Variants in MLLT3 observed in about 807,000 individuals in gnomAD.
The protein encoded by MLLT3 is protein AF-9.
A neutral mutation model predicts 53.2 loss-of-function variants in MLLT3; 4 were observed. The observed-to-expected ratio is 0.08, with a 90% confidence interval of 0.04 to 0.17. The LOEUF is 0.17. MLLT3 is among the 10% of genes least tolerant of loss of function. The pLI is 1.00. For missense variants in MLLT3, 569 were observed against 684.0 expected (o/e 0.83, Z 1.87); for synonymous variants, 283 against 230.6 (o/e 1.23, Z -2.06).
intron 2 of MLLT3, among the ~76,000 whole-genome samples, chr9:20,466,277 A>G (rs1221734969): frequency 6.6e-6 from 1 of 152,180 alleles, no homozygotes; most frequent in Non-Finnish European, 1.5e-5. Context: ...TCATATTGGC[A>G]TTCAAAAGTT....
At chr9:20,548,599 A>G (rs1051521977) in intron 2 of MLLT3, among the ~76,000 whole-genome samples, 1 of 152,200 alleles carries the variant, frequency 6.6e-6, no homozygotes, top group African/African-American at 2.4e-5. Context: ...TTGTTCTAAA[A>G]TCCATTTGGA....
intron 2 of MLLT3, among the ~76,000 whole-genome samples, chr9:20,614,176 CCT>C (rs1820767410): frequency 1.3e-5 from 2 of 152,192 alleles, no homozygotes; most frequent in South Asian, 4.1e-4. Flanking sequence ...GGGAGGATCA[CCT>C]GAGGTCAGGA....
chr9:20,414,206 G>A lies in MLLT3; in HGVS notation c.640C>T (p.His214Tyr), dbSNP rs1332052560. Residue 214 changes from histidine to tyrosine, a missense_variant, in exon 5 of 11, where the codon CAT (histidine) becomes TAT (tyrosine). His to Tyr is a moderately conservative substitution (Grantham distance 83). This residue lies in a region of MLLT3 where 437 missense variants were observed against 376.5 expected (regional missense o/e 1.16). Transcript: ENST00000380338. ...KEKPSKDSRE[H>Y]KSAFKEPSRD... is the part of the protein sequence containing the mutation. The stretch of plus-strand genomic sequence containing the variant: ...GAAGGTTCTTTGAAGGCACTTTTAT[G>A]TTCTCTGGAGTCTTTAGAAGGTTTT... 6.2e-7 allele frequency: 1 copy of A among 1,614,002 alleles called. No homozygotes were observed. Among genetic ancestry groups the A allele is most frequent in the Non-Finnish European group, 8.5e-7 (1 of 1,180,014 alleles).
At chr9:20,356,515 T>C (rs533481552) in intron 8 of MLLT3, among the ~76,000 whole-genome samples, 23 of 152,092 alleles carry the variant, frequency 1.5e-4, no homozygotes, top group Admixed American at 4.6e-4. Context: ...CCAACTCAGA[T>C]ACTGGGCTGG....
chr9:20,556,856 G>A (rs371560409), intron 2 of MLLT3, among the ~76,000 whole-genome samples: 12 of 152,014 alleles, frequency 7.9e-5, no homozygotes, highest in Admixed American at 2.6e-4. Flanking sequence ...AGTATATTAT[G>A]TAAAAGGCCT....
intron 5 of MLLT3, among the ~76,000 whole-genome samples, chr9:20,405,731 C>T (rs1415136112): frequency 6.6e-6 from 1 of 152,184 alleles, no homozygotes; most frequent in Admixed American, 6.5e-5. Context: ...TGAGATTCTT[C>T]TTCATTCTCA....
intron 2 of MLLT3, among the ~76,000 whole-genome samples, chr9:20,585,818 G>A (rs1487430482): frequency 6.6e-6 from 1 of 152,102 alleles, no homozygotes; most frequent in East Asian, 1.9e-4. Flanking sequence ...AGAAGATTGG[G>A]CTCCAACCAG....
chr9:20,587,350 T>A (rs1819998925), intron 2 of MLLT3, among the ~76,000 whole-genome samples: 1 of 152,178 alleles, frequency 6.6e-6, no homozygotes, highest in Non-Finnish European at 1.5e-5. Context: ...GAAGCCCATC[T>A]GTCTCTCCTC....
intron 4 of MLLT3, among the ~76,000 whole-genome samples, chr9:20,429,666 A>G (rs1823221230): frequency 6.6e-6 from 1 of 152,214 alleles, no homozygotes; most frequent in African/African-American, 2.4e-5. Flanking sequence ...AGATTAAAGG[A>G]GAACAAAACC....
intron 2 of MLLT3, among the ~76,000 whole-genome samples, chr9:20,557,946 A>C (rs1176893818): frequency 6.6e-6 from 1 of 152,226 alleles, no homozygotes; most frequent in African/African-American, 2.4e-5. Flanking sequence ...GATAACCTAT[A>C]TTGATAACCA....
At chr9:20,484,935 T>C (rs1271072289) in intron 2 of MLLT3, among the ~76,000 whole-genome samples, 6 of 152,172 alleles carry the variant, frequency 3.9e-5, no homozygotes, top group Non-Finnish European at 5.9e-5. Context: ...AAAATATGAA[T>C]CAAATTTACA....
At chr9:20,354,494 T>C (rs1821115357) in intron 9 of MLLT3, among the ~76,000 whole-genome samples, 1 of 152,238 alleles carries the variant, frequency 6.6e-6, no homozygotes, top group African/African-American at 2.4e-5. Context: ...GTCTTGCTCA[T>C]CTACATCTGA....
intron 2 of MLLT3, among the ~76,000 whole-genome samples, chr9:20,489,006 G>A (rs1006576906): frequency 2.9e-4 from 44 of 152,122 alleles, no homozygotes; most frequent in African/African-American, 9.9e-4. Flanking sequence ...TGTCTTCTTG[G>A]GGGGAAGATA....
intron 2 of MLLT3, 35 bp from the exon 3 acceptor site, chr9:20,456,821 A>G (rs1382950210): frequency 1.4e-6 from 2 of 1,403,968 alleles, no homozygotes; most frequent in Non-Finnish European, 2.0e-6. Flanking sequence ...GTAAGATGAG[A>G]ATAATAGACA....
intron 2 of MLLT3, among the ~76,000 whole-genome samples, chr9:20,525,747 C>T (rs1267374862): frequency 6.6e-6 from 1 of 152,184 alleles, no homozygotes; most frequent in Non-Finnish European, 1.5e-5. Context: ...CTGTAAGATT[C>T]TTTTCAGCCC....
chr9:20,431,412 T>C (rs767279625), intron 4 of MLLT3, among the ~76,000 whole-genome samples: 3 of 152,154 alleles, frequency 2.0e-5, no homozygotes, highest in African/African-American at 7.2e-5. Context: ...AGCAGTATTA[T>C]TCAAACAGAA....
At chr9:20,354,236 G>T (rs1366011066) in intron 9 of MLLT3, among the ~76,000 whole-genome samples, 1 of 152,198 alleles carries the variant, frequency 6.6e-6, no homozygotes, top group African/African-American at 2.4e-5. Flanking sequence ...AAGGGGAGAG[G>T]GGGTACCTCT....
chr9:20,577,670 A>T (rs769569313), intron 2 of MLLT3, among the ~76,000 whole-genome samples: 2 of 152,208 alleles, frequency 1.3e-5, no homozygotes, highest in Non-Finnish European at 2.9e-5. Context: ...TCTGCCAGAC[A>T]CAGCCATGAC....
rs1002761540 is a variant in MLLT3 at position 20,342,117 on chromosome 9, G to T, written c.*4326C>A. The T allele has an allele frequency of 4.7e-6, 1 of 214,234 alleles. No homozygotes were observed. Among genetic ancestry groups the T allele is most frequent in the Admixed American group, 5.8e-5 (1 of 17,150 alleles). The allele number at this position is 214,234 out of a possible 1,614,324, so 13.3% of individuals were successfully genotyped here. ...GCATCACTTCTTGAGAAAAGGCTAGGGGCTAATTTTTCCTGTATGCAAAAT... is the reference window on the plus strand; with the variant it reads ...GCATCACTTCTTGAGAAAAGGCTAGTGGCTAATTTTTCCTGTATGCAAAAT... On this transcript the variant is annotated 3_prime_UTR_variant, in exon 11 of 11. Transcript: ENST00000380338.
Sources: gnomAD v4.1 joint callset for allele counts (sites outside exome capture counted in the v4.1 genomes callset) on GRCh38, gnomAD v4.1.1 for gene constraint, gnomAD v4.1.1 regional missense constraint, MANE v1.5 for transcripts, NCBI Gene and HGNC (gene_info 2026-07-23, HGNC 2026-07-21) for gene names.